MAGI2: variants seen among roughly 807,000 people sequenced by gnomAD.
MAGI2 encodes the protein membrane associated guanylate kinase, WW and PDZ domain containing 2.
Under a neutral mutation model 133.3 loss-of-function variants are expected in MAGI2, and 35 were observed. The ratio of observed to expected loss-of-function variants is 0.26; its 90% CI spans 0.20 to 0.35. MAGI2 has a LOEUF of 0.35. Ranked by LOEUF, MAGI2 falls within the 10% of genes least tolerant of loss-of-function variation. The probability of loss-of-function intolerance (pLI) is 1.00; values close to 1 mark genes in which losing one functional copy is unlikely to be tolerated. For missense variants in MAGI2, 1,636 were observed against 1,863.4 expected (o/e 0.88, Z 2.25); for synonymous variants, 729 against 710.6 (o/e 1.03, Z -0.41).
chr7:79,042,408 G>GC (rs1381482875), intron 1 of MAGI2, among the ~76,000 whole-genome samples: 2 of 151,984 alleles, frequency 1.3e-5, no homozygotes, highest in Non-Finnish European at 2.9e-5. Context: ...TTTACTTTGA[G>GC]CCTATGAGTG....
intron 2 of MAGI2, among the ~76,000 whole-genome samples, chr7:78,951,918 A>AT (rs1563699365): frequency 6.6e-6 from 1 of 152,062 alleles, no homozygotes; most frequent in Non-Finnish European, 1.5e-5. Flanking sequence ...CCACCAGACT[A>AT]TTTCTTCTCT....
intron 3 of MAGI2, among the ~76,000 whole-genome samples, chr7:78,560,424 A>G (rs1405336877): frequency 6.6e-6 from 1 of 152,166 alleles, no homozygotes; most frequent in African/African-American, 2.4e-5. Context: ...TCCAAGGGAG[A>G]ATGAATAAAA....
At chr7:78,113,604 G>C (rs1253049121) in intron 20 of MAGI2, among the ~76,000 whole-genome samples, 1 of 152,164 alleles carries the variant, frequency 6.6e-6, no homozygotes, top group East Asian at 1.9e-4. Flanking sequence ...TGCTGTCCAG[G>C]TTTGTAGCCT....
chr7:79,418,694 T>TC (rs2129177517), intron 1 of MAGI2, among the ~76,000 whole-genome samples: 1 of 151,984 alleles, frequency 6.6e-6, no homozygotes, highest in South Asian at 2.1e-4. Context: ...CCATTTAACT[T>TC]TATGCTTCTA....
intron 3 of MAGI2, among the ~76,000 whole-genome samples, chr7:78,542,989 G>C (rs1798538580): frequency 6.6e-6 from 1 of 152,160 alleles, no homozygotes; most frequent in Non-Finnish European, 1.5e-5. Flanking sequence ...CATTAAAACT[G>C]AAAGGCTTAC....
chr7:78,343,659 C>T, intron 9 of MAGI2, 119 bp downstream of exon 9: 1 of 644,206 alleles, frequency 1.6e-6, no homozygotes, highest in East Asian at 3.3e-5. Flanking sequence ...ATGCTTCATG[C>T]TTTTCCTAAA....
chr7:78,951,393 G>T (rs147631597), intron 2 of MAGI2, among the ~76,000 whole-genome samples: 1 of 152,252 alleles, frequency 6.6e-6, no homozygotes, highest in East Asian at 1.9e-4. Flanking sequence ...GCATGGCTGG[G>T]GAGGTCTCAG....
intron 2 of MAGI2, among the ~76,000 whole-genome samples, chr7:78,634,096 A>G (rs1809363423): frequency 6.6e-6 from 1 of 152,222 alleles, no homozygotes. Flanking sequence ...AAAAAAATTT[A>G]TGCTTGAAGA....
intron 1 of MAGI2, among the ~76,000 whole-genome samples, chr7:79,408,074 C>T (rs938724211): frequency 1.6e-4 from 25 of 151,974 alleles, no homozygotes; most frequent in Admixed American, 2.0e-4. Flanking sequence ...TAATATTATG[C>T]CCCGTTTTAA....
chr7:78,265,256 A>T (rs1793883795), intron 9 of MAGI2, among the ~76,000 whole-genome samples: 1 of 152,204 alleles, frequency 6.6e-6, no homozygotes, highest in South Asian at 2.1e-4. Flanking sequence ...ACATTCTAAG[A>T]GAATCTAAAG....
chr7:79,375,863 T>C (rs949840971), intron 1 of MAGI2, among the ~76,000 whole-genome samples: 2 of 151,970 alleles, frequency 1.3e-5, no homozygotes, highest in East Asian at 3.9e-4. Context: ...TAAATACCTT[T>C]TTTCAAATTA....
chr7:79,012,348 C>T (rs1160588266), intron 1 of MAGI2: 1 of 152,058 alleles, frequency 6.6e-6, no homozygotes, highest in Admixed American at 6.6e-5. Context: ...TGTAGTTGGC[C>T]TTCCTATGAT....
intron 2 of MAGI2, among the ~76,000 whole-genome samples, chr7:78,931,987 C>G (rs1393736047): frequency 8.9e-6 from 1 of 112,878 alleles, no homozygotes; most frequent in Non-Finnish European, 1.8e-5. Context: ...GGGTCATAGT[C>G]AAAAGGAAGG....
At chr7:79,203,396 T>C (rs1033251604) in intron 1 of MAGI2, among the ~76,000 whole-genome samples, 5 of 152,078 alleles carry the variant, frequency 3.3e-5, no homozygotes, top group Non-Finnish European at 4.4e-5. Context: ...CTATTTCATC[T>C]GGTCCTGTCT....
At chr7:78,860,249 T>A (rs1794041692) in intron 2 of MAGI2, among the ~76,000 whole-genome samples, 1 of 152,224 alleles carries the variant, frequency 6.6e-6, no homozygotes, top group African/African-American at 2.4e-5. Flanking sequence ...CTCTCAACTC[T>A]TCAAAGTCAT....
chr7:79,355,908 CT>C lies in MAGI2; in HGVS notation c.301+97111del, dbSNP rs370480570. ...TATTTGAGAGATTAATATTTTCTGC[CT>C]TTTGTAGGTAAAATGATGTCTTTAT... On this transcript the variant is annotated intron_variant, in intron 1 of 21. Coordinates refer to ENST00000354212, the MANE Select transcript of MAGI2 (RefSeq NM_012301.4). 4.6e-4 allele frequency among the ~76,000 whole-genome samples: 70 copies of C among 152,176 alleles called. No homozygotes were observed. In the East Asian group the frequency reaches 0.013, roughly 28 times the overall value.
intron 1 of MAGI2, among the ~76,000 whole-genome samples, chr7:79,209,020 T>G (rs1829286792): frequency 6.6e-6 from 1 of 151,862 alleles, no homozygotes; most frequent in Non-Finnish European, 1.5e-5. Flanking sequence ...GAATCTGGGG[T>G]GGTCGTCGGG....
intron 1 of MAGI2, among the ~76,000 whole-genome samples, chr7:79,379,821 C>A (rs1311742326): frequency 6.7e-6 from 1 of 148,294 alleles, no homozygotes; most frequent in East Asian, 2.1e-4. Flanking sequence ...CATTATTTCT[C>A]CCCCCAACTT....
intron 17 of MAGI2, among the ~76,000 whole-genome samples, chr7:78,133,814 T>A (rs190594642): frequency 6.6e-6 from 1 of 152,310 alleles, no homozygotes. Context: ...AGATAGTAGG[T>A]TATAAAGCAG....
Sources: gnomAD v4.1 joint callset for allele counts (sites outside exome capture counted in the v4.1 genomes callset) on GRCh38, gnomAD v4.1.1 for gene constraint, MANE v1.5 for transcripts, NCBI Gene and HGNC (gene_info 2026-07-23, HGNC 2026-07-21) for gene names.